GPHN: variants seen among roughly 807,000 people sequenced by gnomAD.
The protein encoded by GPHN is gephyrin.
A neutral mutation model predicts 95.5 loss-of-function variants in GPHN; 17 were observed. The observed-to-expected ratio is 0.18, with a 90% CI of 0.12 to 0.27. The LOEUF (loss-of-function observed/expected upper bound fraction) is 0.27. Ranked by LOEUF, GPHN falls within the 10% of genes least tolerant of loss-of-function variation. The probability of loss-of-function intolerance (pLI) is 1.00; values close to 1 mark genes in which losing one functional copy is unlikely to be tolerated. For synonymous variants in GPHN, 320 were observed against 322.5 expected, an observed-to-expected ratio of 0.99 and a Z score of 0.08; for missense variants, 660 against 978.1, an observed-to-expected ratio of 0.67 and a Z score of 4.34.
the GPHN span, chr14:67,589,940 C>G: frequency 2.0e-5 from 27 of 1,327,264 alleles, no homozygotes; most frequent in Non-Finnish European, 2.6e-5. Flanking sequence ...GTCACCTGCT[C>G]TATGGCTCTA....
chr14:67,167,220 A>T (rs1050841247), intron 20 of GPHN, among the ~76,000 whole-genome samples: 2 of 152,218 alleles, frequency 1.3e-5, no homozygotes, highest in Non-Finnish European at 2.9e-5. Flanking sequence ...CAAGTTTTTT[A>T]TATCAGTCCT....
intron 4 of GPHN, among the ~76,000 whole-genome samples, chr14:66,874,985 TA>T (rs2063589039): frequency 6.6e-6 from 1 of 151,816 alleles, no homozygotes; most frequent in African/African-American, 2.4e-5. Context: ...AATGAAGGAA[TA>T]AATGGTAAGG....
chr14:66,837,175 C>G (rs1376443133), intron 4 of GPHN, among the ~76,000 whole-genome samples: 1 of 151,374 alleles, frequency 6.6e-6, no homozygotes, highest in Non-Finnish European at 1.5e-5. Context: ...TTCACAATAG[C>G]AAAGACTTGG....
At chr14:67,653,478 G>A in the GPHN span, 2 of 1,613,892 alleles carry the variant, frequency 1.2e-6, no homozygotes, top group East Asian at 2.2e-5. Flanking sequence ...TTTTGCTCAA[G>A]TTTTCACTTG....
the GPHN span, chr14:67,383,451 A>C: frequency 3.1e-6 from 5 of 1,611,996 alleles, no homozygotes; most frequent in African/African-American, 6.7e-5. Context: ...CTTTGTGGGA[A>C]ACAGAGTCCA....
Position 66,847,332 on chromosome 14 carries a change from C to G in GPHN, c.294+22766C>G, listed in dbSNP as rs540239789. 9.2e-5 allele frequency among the ~76,000 whole-genome samples: 14 copies of G among 151,982 alleles called. No homozygotes were observed. In the South Asian group the frequency reaches 1.5e-3, roughly 16 times the overall value. ...GAAAAACATTTTAAAGCAGAAAAAGCAGATTATGCCGATATTTTAATAAGG... is the reference window on the plus strand; with the variant it reads ...GAAAAACATTTTAAAGCAGAAAAAGGAGATTATGCCGATATTTTAATAAGG... On this transcript the variant is annotated intron_variant, in intron 4 of 22. Coordinates refer to ENST00000478722, the MANE Select transcript of GPHN (RefSeq NM_020806.5).
intron 1 of GPHN, among the ~76,000 whole-genome samples, chr14:66,530,972 T>TTC (rs1223038076): frequency 6.7e-6 from 1 of 150,200 alleles, no homozygotes; most frequent in African/African-American, 2.5e-5. Flanking sequence ...TTTTTTTTTT[T>TTC]TGATACGGAG....
chr14:67,198,116 T>C, the GPHN span: 2 of 1,587,896 alleles, frequency 1.3e-6, no homozygotes, highest in Non-Finnish European at 1.7e-6. Context: ...TATCCACTAA[T>C]TGTGTTTCCA....
chr14:67,199,142 G>A, the GPHN span: 6 of 1,507,910 alleles, frequency 4.0e-6, no homozygotes, highest in Non-Finnish European at 5.5e-6. Flanking sequence ...TTAGTGAACC[G>A]CTACTGTGGG....
At chr14:67,053,515 G>C (rs2075408791) in intron 10 of GPHN, among the ~76,000 whole-genome samples, 1 of 152,138 alleles carries the variant, frequency 6.6e-6, no homozygotes, top group South Asian at 2.1e-4. Flanking sequence ...TGGATTCACA[G>C]CCGAATTCTA....
chr14:66,584,163 TC>T (rs1407749382), intron 1 of GPHN, among the ~76,000 whole-genome samples: 6 of 152,116 alleles, frequency 3.9e-5, no homozygotes, highest in African/African-American at 1.4e-4. Flanking sequence ...GAATGGGAGT[TC>T]ACTCATGATT....
chr14:66,782,323 G>T (rs2059633198), intron 3 of GPHN, among the ~76,000 whole-genome samples: 1 of 152,020 alleles, frequency 6.6e-6, no homozygotes, highest in Admixed American at 6.6e-5. Context: ...TGCTTTTTTA[G>T]CATAGTAGGA....
the GPHN span, chr14:67,384,891 C>CA: frequency 1.3e-5 from 2 of 151,904 alleles, no homozygotes; most frequent in East Asian, 1.9e-4. Context: ...GTTGAGGCAT[C>CA]AAAAAAACAA....
chr14:67,692,417 T>C, the GPHN span: 1 of 1,612,948 alleles, frequency 6.2e-7, no homozygotes, highest in Non-Finnish European at 8.5e-7. Context: ...CACAACATAG[T>C]CTCTCTAGTT....
chr14:66,816,409 C>T (rs904875174), intron 3 of GPHN, among the ~76,000 whole-genome samples: 13 of 152,096 alleles, frequency 8.5e-5, no homozygotes, highest in Non-Finnish European at 1.2e-4. Context: ...AGAAGTAAAA[C>T]GCTCTTGAGG....
intron 9 of GPHN, among the ~76,000 whole-genome samples, chr14:66,973,008 C>T (rs1331381183): frequency 1.3e-5 from 2 of 152,148 alleles, no homozygotes; most frequent in Non-Finnish European, 1.5e-5. Flanking sequence ...CTTTGTCAAG[C>T]CCTGAAAGGG....
the GPHN span, chr14:67,334,621 C>G: frequency 6.6e-6 from 1 of 152,338 alleles, no homozygotes; most frequent in African/African-American, 2.4e-5. Context: ...ATTAAGTTGG[C>G]TGGAGAGTGT....
chr14:67,427,740 G>T, the GPHN span, among the ~76,000 whole-genome samples: 1 of 152,122 alleles, frequency 6.6e-6, no homozygotes, highest in East Asian at 1.9e-4. Flanking sequence ...ATACTTAGGA[G>T]ATTTGGTTTC....
the GPHN span, among the ~76,000 whole-genome samples, chr14:67,631,208 T>C: frequency 6.6e-6 from 1 of 152,222 alleles, no homozygotes; most frequent in Non-Finnish European, 1.5e-5. Context: ...TTCCTGGCTT[T>C]CTCATTGCCC....
Sources: allele counts gnomAD v4.1 joint callset (sites outside exome capture counted in the v4.1 genomes callset), GRCh38; gene constraint gnomAD v4.1.1; transcripts MANE v1.5; gene names NCBI Gene and HGNC (gene_info 2026-07-23, HGNC 2026-07-21).